Variants in EFCAB14 observed in about 807,000 individuals in gnomAD.
The protein encoded by EFCAB14 is EF-hand calcium-binding domain-containing protein 14.
EFCAB14 carries 43 observed loss-of-function variants against 56.5 expected under a neutral mutation model. That is an observed-to-expected ratio of 0.76 (90% CI 0.60 to 0.98). The LOEUF is 0.98. EFCAB14 is among the 50% of genes least tolerant of loss of function. The pLI is 0.00. For synonymous variants in EFCAB14, 235 were observed against 212.9 expected (o/e 1.10, Z -0.90); for missense variants, 538 against 580.3 (o/e 0.93, Z 0.75).
chr1:46,709,560 C>G (rs79070525), intron 2 of EFCAB14, among the ~76,000 whole-genome samples: 3,532 of 152,302 alleles, frequency 0.023, 61 homozygotes, highest in Non-Finnish European at 0.034. Context: ...CTAGATCTAA[C>G]TTGGGTATGC....
intron 10 of EFCAB14, among the ~76,000 whole-genome samples, chr1:46,680,973 CTTTT>C (rs202142759): frequency 4.8e-5 from 7 of 144,554 alleles, no homozygotes; most frequent in East Asian, 4.0e-4. Context: ...ATATACATAA[CTTTT>C]TTTTTTTTTT....
chr1:46,705,834 T>C (rs1677225507), intron 3 of EFCAB14, among the ~76,000 whole-genome samples: 1 of 152,172 alleles, frequency 6.6e-6, no homozygotes, highest in African/African-American at 2.4e-5. Flanking sequence ...GATTTTTTTT[T>C]GTGGCCAGAA....
At chr1:46,683,274 T>C in intron 10 of EFCAB14, 26 bp downstream of exon 10, 3 of 1,605,278 alleles carry the variant, frequency 1.9e-6, no homozygotes, top group Non-Finnish European at 2.5e-6. Context: ...ACATTCCCAT[T>C]ACTACCCCGT....
chr1:46,677,791 A>ACT lies in EFCAB14; in HGVS notation c.*669_*670insAG, dbSNP rs1389936861. 1 of 152,306 alleles carries ACT rather than the reference A, an allele frequency of 6.6e-6. No homozygotes were observed. 9.4% of individuals were successfully genotyped at this position (152,306 alleles called of 1,614,324 possible). On this transcript the variant is annotated 3_prime_UTR_variant, in exon 11 of 11. Transcript: ENST00000371933. ...TCCATGAGCCATGCCTGGAGTCAGT[A>ACT]TTGTCTCCAGTGTCTACTCCCTGAA...
intron 3 of EFCAB14, among the ~76,000 whole-genome samples, chr1:46,707,606 T>C (rs1400379137): frequency 6.6e-6 from 1 of 152,250 alleles, no homozygotes; most frequent in Non-Finnish European, 1.5e-5. Flanking sequence ...CTTTTTTATC[T>C]GACACCTATT....
At chr1:46,700,978 A>AGT (rs1553123113) in intron 3 of EFCAB14, among the ~76,000 whole-genome samples, 3 of 95,188 alleles carry the variant, frequency 3.2e-5, no homozygotes, top group South Asian at 3.3e-4. Flanking sequence ...AGAGAGAGAG[A>AGT]GTGAGTGAGT....
intron 3 of EFCAB14, among the ~76,000 whole-genome samples, chr1:46,697,356 G>A (rs748743274): frequency 2.0e-5 from 3 of 152,200 alleles, no homozygotes; most frequent in Non-Finnish European, 4.4e-5. Context: ...TTTAGGCATA[G>A]AATTCTAAAC....
intron 1 of EFCAB14, among the ~76,000 whole-genome samples, chr1:46,717,241 C>G (rs1296058580): frequency 6.6e-6 from 1 of 152,202 alleles, no homozygotes; most frequent in African/African-American, 2.4e-5. Flanking sequence ...GTTTCTACAT[C>G]CTCAGCAGAA....
intron 5 of EFCAB14, among the ~76,000 whole-genome samples, chr1:46,690,153 A>C (rs1676968301): frequency 6.6e-6 from 1 of 152,192 alleles, no homozygotes; most frequent in Non-Finnish European, 1.5e-5. Context: ...ATAACCACCA[A>C]TCATGTGCAT....
chr1:46,689,225 T>G (rs1453451425), intron 6 of EFCAB14, among the ~76,000 whole-genome samples: 1 of 152,238 alleles, frequency 6.6e-6, no homozygotes, highest in East Asian at 1.9e-4. Flanking sequence ...TAGAATTTAC[T>G]GTGGCTCAAA....
chr1:46,680,666 T>A (rs1676778642), intron 10 of EFCAB14, among the ~76,000 whole-genome samples: 1 of 152,216 alleles, frequency 6.6e-6, no homozygotes, highest in Non-Finnish European at 1.5e-5. Flanking sequence ...GATGGTTGCA[T>A]GACCTTGTGA....
At chr1:46,693,925 C>T (rs925350581) in intron 4 of EFCAB14, among the ~76,000 whole-genome samples, 46 of 152,106 alleles carry the variant, frequency 3.0e-4, no homozygotes, top group Non-Finnish European at 3.8e-4. Context: ...AATAATACCA[C>T]ACATCTACAA....
chr1:46,675,240 A>G lies in EFCAB14; in HGVS notation c.*3221T>C, dbSNP rs1214229600. ...TTTGAAATATGCAAAGCTCAAATCA[A>G]GTCATGGAAACCCTGAATTCTCCCT... On this transcript the variant is annotated 3_prime_UTR_variant, in exon 11 of 11. Transcript: ENST00000371933. The G allele has an allele frequency of 3.3e-5, 5 of 152,772 alleles. No individual in the cohort carries two copies. In the East Asian group the frequency reaches 9.6e-4, roughly 29 times the overall value. The allele number at this position is 152,772 out of a possible 1,614,324, so 9.5% of individuals were successfully genotyped here.
chr1:46,692,850 T>G (rs143380393), intron 4 of EFCAB14, among the ~76,000 whole-genome samples: 2 of 152,360 alleles, frequency 1.3e-5, no homozygotes, highest in Middle Eastern at 3.4e-3. Flanking sequence ...TTAATTTAAA[T>G]GATTTTTCCT....
At chr1:46,700,972 A>T (rs1426839207) in intron 3 of EFCAB14, among the ~76,000 whole-genome samples, 6 of 79,106 alleles carry the variant, frequency 7.6e-5, no homozygotes, top group South Asian at 5.3e-4. Flanking sequence ...AGAGAGAGAG[A>T]GAGAGAGTGA....
chr1:46,705,748 G>C (rs1347336949), intron 3 of EFCAB14, among the ~76,000 whole-genome samples: 1 of 152,086 alleles, frequency 6.6e-6, no homozygotes, highest in Non-Finnish European at 1.5e-5. Flanking sequence ...TTCATCTTTT[G>C]TAAATGTATG....
In EFCAB14 at chr1:46,676,426, G is replaced by C. The variant is rs1676695990; in HGVS notation, c.*2035C>G. 6.6e-6 allele frequency: 1 copy of C among 152,548 alleles called. No individual in the cohort carries two copies. The highest frequency in any genetic ancestry group is 1.5e-5 in the Non-Finnish European group (1 of 68,024). The allele number at this position is 152,548 out of a possible 1,614,324, so 9.4% of individuals were successfully genotyped here. A position where few individuals can be genotyped will look rare whatever the true frequency, so the allele number is the denominator to read the frequency against. On this transcript the variant is annotated 3_prime_UTR_variant, in exon 11 of 11. Coordinates refer to ENST00000371933, the MANE Select transcript of EFCAB14 (RefSeq NM_014774.3). The stretch of plus-strand genomic sequence containing the variant: ...GAGTTAAGGTGTCTTCAAAGTATCT[G>C]CCTATGAATAAGAATTTGAAACTAA...
chr1:46,708,844 C>A (rs181736153), intron 2 of EFCAB14, among the ~76,000 whole-genome samples: 1 of 152,206 alleles, frequency 6.6e-6, no homozygotes, highest in East Asian at 1.9e-4. Flanking sequence ...AAGGCAGAGG[C>A]CTGAAACAAT....
intron 7 of EFCAB14, among the ~76,000 whole-genome samples, chr1:46,687,263 A>C (rs1305617662): frequency 1.3e-5 from 2 of 152,230 alleles, no homozygotes; most frequent in Admixed American, 1.3e-4. Context: ...AGGAGTGGTA[A>C]GTTTTCACAA....
Sources: allele counts gnomAD v4.1 joint callset (sites outside exome capture counted in the v4.1 genomes callset), GRCh38; gene constraint gnomAD v4.1.1; transcripts MANE v1.5; gene names NCBI Gene and HGNC (gene_info 2026-07-23, HGNC 2026-07-21).